MTHFD2L: variants seen among roughly 807,000 people sequenced by gnomAD.
MTHFD2L encodes the protein methylenetetrahydrofolate dehydrogenase (NADP+ dependent) 2 like, also known as bifunctional methylenetetrahydrofolate dehydrogenase/cyclohydrolase 2, mitochondrial.
A neutral mutation model predicts 34.9 loss-of-function variants in MTHFD2L; 29 were observed. The observed-to-expected ratio is 0.83, with a 90% CI of 0.62 to 1.13. The LOEUF (loss-of-function observed/expected upper bound fraction) is 1.13, where lower values mean the gene tolerates loss of function less well. MTHFD2L is among the 50% of genes most tolerant of loss of function. MTHFD2L has a pLI of 0.00. For missense variants in MTHFD2L, 481 were observed against 446.5 expected, an observed-to-expected ratio of 1.08 and a Z score of -0.70; for synonymous variants, 167 against 155.7, an observed-to-expected ratio of 1.07 and a Z score of -0.54.
intron 2 of MTHFD2L, among the ~76,000 whole-genome samples, chr4:74,117,704 C>A (rs1721678905): frequency 1.3e-5 from 2 of 152,246 alleles, no homozygotes; most frequent in Admixed American, 1.3e-4. Context: ...CTCATGAGAG[C>A]TGCTTCCGCA....
At chr4:74,192,858 T>G (rs147138075) in intron 3 of MTHFD2L, among the ~76,000 whole-genome samples, 1,553 of 152,168 alleles carry the variant, frequency 0.01, 13 homozygotes, top group Non-Finnish European at 0.013. Flanking sequence ...CTTTAACTGA[T>G]AGGTGTTTTG....
chr4:74,230,006 G>T (rs1433561570), intron 6 of MTHFD2L, among the ~76,000 whole-genome samples: 1 of 152,072 alleles, frequency 6.6e-6, no homozygotes, highest in Non-Finnish European at 1.5e-5. Flanking sequence ...CATAGTGGTT[G>T]CCCAGTAAAT....
At chr4:74,244,761 CG>C (rs1742179725) in intron 6 of MTHFD2L, among the ~76,000 whole-genome samples, 1 of 152,070 alleles carries the variant, frequency 6.6e-6, no homozygotes, top group African/African-American at 2.4e-5. Context: ...TTGCAATTAA[CG>C]TTTAAGAAAC....
chr4:74,227,054 G>T (rs1387131596), intron 6 of MTHFD2L, among the ~76,000 whole-genome samples: 1 of 152,122 alleles, frequency 6.6e-6, no homozygotes, highest in East Asian at 1.9e-4. Context: ...CCCTGGTCTG[G>T]CCCTGAGAGG....
intron 1 of MTHFD2L, chr4:74,162,250 C>T (rs1578294429): frequency 6.6e-6 from 1 of 152,174 alleles, no homozygotes. Flanking sequence ...TTGGCTCTAA[C>T]TTACCTAACC....
chr4:74,190,167 C>G (rs1327452957), intron 3 of MTHFD2L, among the ~76,000 whole-genome samples: 1 of 151,956 alleles, frequency 6.6e-6, no homozygotes, highest in Non-Finnish European at 1.5e-5. Flanking sequence ...TTGGCCTGTT[C>G]ACTAATCTAA....
intron 1 of MTHFD2L, among the ~76,000 whole-genome samples, chr4:74,134,748 T>C (rs1722787540): frequency 6.6e-6 from 1 of 152,092 alleles, no homozygotes; most frequent in Non-Finnish European, 1.5e-5. Flanking sequence ...CAGATATTTA[T>C]CAGAGAAATT....
At chr4:74,270,506 T>C (rs902923769) in intron 6 of MTHFD2L, among the ~76,000 whole-genome samples, 2 of 152,312 alleles carry the variant, frequency 1.3e-5, no homozygotes, top group Admixed American at 1.3e-4. Context: ...GAACTCATCA[T>C]TTTTTATGGC....
chr4:74,179,580 T>A (rs1338289376), intron 3 of MTHFD2L, among the ~76,000 whole-genome samples: 1 of 152,092 alleles, frequency 6.6e-6, no homozygotes, highest in Non-Finnish European at 1.5e-5. Flanking sequence ...GCTTTGTGAT[T>A]TACTGACCGT....
chr4:74,227,825 A>C (rs1246596), intron 6 of MTHFD2L, among the ~76,000 whole-genome samples: 2 of 152,096 alleles, frequency 1.3e-5, no homozygotes, highest in Admixed American at 6.6e-5. Context: ...GTTGTGTCAA[A>C]AACTGACTTT....
At chr4:74,271,530 A>G (rs1383062066) in intron 6 of MTHFD2L, among the ~76,000 whole-genome samples, 10 of 152,138 alleles carry the variant, frequency 6.6e-5, no homozygotes, top group African/African-American at 1.2e-4. Context: ...ATTGGTCTAT[A>G]TCTCTATTTT....
chr4:74,178,261 A>G (rs968704574), intron 3 of MTHFD2L, among the ~76,000 whole-genome samples: 7 of 152,104 alleles, frequency 4.6e-5, no homozygotes, highest in African/African-American at 9.7e-5. Flanking sequence ...ACAAAAATAC[A>G]TATCTTGACT....
chr4:74,150,305 G>A (rs1188893325), intron 1 of MTHFD2L, among the ~76,000 whole-genome samples: 2 of 152,238 alleles, frequency 1.3e-5, no homozygotes, highest in African/African-American at 4.8e-5. Flanking sequence ...CCAGGCTGGA[G>A]TGCAATGGTG....
chr4:74,278,749 A>G (rs979536035), intron 6 of MTHFD2L, among the ~76,000 whole-genome samples: 84 of 152,158 alleles, frequency 5.5e-4, no homozygotes, highest in African/African-American at 1.8e-3. Context: ...AGCACACAAG[A>G]CCTTTGTAAG....
chr4:74,186,648 A>G (rs1731334506), intron 3 of MTHFD2L, among the ~76,000 whole-genome samples: 3 of 152,036 alleles, frequency 2.0e-5, no homozygotes, highest in Admixed American at 2.0e-4. Flanking sequence ...TATATATATT[A>G]AAAACTACAG....
chr4:74,148,983 G>A (rs1176833435), intron 1 of MTHFD2L, among the ~76,000 whole-genome samples: 2 of 151,774 alleles, frequency 1.3e-5, no homozygotes, highest in African/African-American at 2.4e-5. Context: ...TTTGGAGTGT[G>A]AGAGAAGGGG....
chr4:74,275,641 C>T (rs182184001), intron 6 of MTHFD2L, among the ~76,000 whole-genome samples: 165 of 152,046 alleles, frequency 1.1e-3, no homozygotes, highest in African/African-American at 3.9e-3. Context: ...GCCTTTCTGC[C>T]TGGTGTGAGA....
intron 1 of MTHFD2L, among the ~76,000 whole-genome samples, chr4:74,166,959 C>G (rs1726845035): frequency 6.6e-6 from 1 of 152,082 alleles, no homozygotes; most frequent in East Asian, 1.9e-4. Flanking sequence ...GCCTAGTCCC[C>G]ACAGACTTGG....
intron 1 of MTHFD2L, among the ~76,000 whole-genome samples, chr4:74,147,223 T>C (rs766906003): frequency 5.9e-5 from 9 of 152,144 alleles, no homozygotes; most frequent in Non-Finnish European, 8.8e-5. Flanking sequence ...TTTTCTCCCA[T>C]GCTCACCTGG....
Sources: gnomAD v4.1 joint callset for allele counts (sites outside exome capture counted in the v4.1 genomes callset) on GRCh38, gnomAD v4.1.1 for gene constraint, MANE v1.5 for transcripts, NCBI Gene and HGNC (gene_info 2026-07-23, HGNC 2026-07-21) for gene names.